SVEP1: variants seen among roughly 807,000 people sequenced by gnomAD.
SVEP1 encodes sushi, von Willebrand factor type A, EGF and pentraxin domain-containing protein 1.
SVEP1 carries 164 observed loss-of-function variants against 367.3 expected under a neutral mutation model. That is an observed-to-expected ratio of 0.45 (90% CI 0.39 to 0.51). The LOEUF is 0.51. Among genes scored for constraint, SVEP1 ranks in the 20% least tolerant of loss-of-function variants. SVEP1 has a pLI of 0.00. For missense variants in SVEP1, 4,117 were observed against 4,425.3 expected (o/e 0.93, Z 1.98); for synonymous variants, 1,666 against 1,611.6 (o/e 1.03, Z -0.81).
intron 40 of SVEP1, among the ~76,000 whole-genome samples, chr9:110,397,234 G>GCA (rs1234347780): frequency 6.6e-6 from 1 of 152,098 alleles, no homozygotes; most frequent in Non-Finnish European, 1.5e-5. Context: ...CAGAACCAAA[G>GCA]ACAAAAACCA....
At chr9:110,416,233 T>C (rs1207009578) in intron 36 of SVEP1, among the ~76,000 whole-genome samples, 2 of 151,692 alleles carry the variant, frequency 1.3e-5, no homozygotes, top group Non-Finnish European at 2.9e-5. Flanking sequence ...AAAAAAGCTC[T>C]AAAATATAAA....
At chr9:110,552,714 T>G in intron 1 of SVEP1, among the ~76,000 whole-genome samples, 1 of 152,138 alleles carries the variant, frequency 6.6e-6, no homozygotes, top group Admixed American at 6.6e-5. Context: ...CAGGTGGTAA[T>G]GCTCACTTGC....
At chr9:110,396,597 G>A (rs915535650) in intron 40 of SVEP1, among the ~76,000 whole-genome samples, 79 of 63,632 alleles carry the variant, frequency 1.2e-3, no homozygotes, top group Admixed American at 2.8e-3. Context: ...TTGATAGACC[G>A]CTAGCAAGAC....
chr9:110,365,991 A>ATTGAT lies in SVEP1; in HGVS notation c.*543_*547dup, dbSNP rs894756984. 3 of 152,228 alleles carry ATTGAT rather than the reference A, an allele frequency of 2.0e-5. No individual in the cohort carries two copies. The highest frequency in any genetic ancestry group is 7.2e-5 in the African/African-American group (3 of 41,462). 9.4% of individuals were successfully genotyped at this position (152,228 alleles called of 1,614,324 possible). On this transcript the variant is annotated 3_prime_UTR_variant, in exon 48 of 48. Coordinates refer to ENST00000374469, the MANE Select transcript of SVEP1 (RefSeq NM_153366.4). Reference sequence around the variant, plus strand: ...TACCAGGTCCAACAGTTACTCTCTGATTGATTAAATGAAAGAAAAAGCTTT... The same window carrying ATTGAT: ...TACCAGGTCCAACAGTTACTCTCTGATTGATTTGATTAAATGAAAGAAAAAGCTTT...
intron 40 of SVEP1, among the ~76,000 whole-genome samples, chr9:110,394,639 A>G (rs549453528): frequency 6.6e-6 from 1 of 152,350 alleles, no homozygotes; most frequent in African/African-American, 2.4e-5. Flanking sequence ...AGAATAACCA[A>G]TGCAGAGAAG....
At chr9:110,372,656 A>G (rs1827295573) in intron 46 of SVEP1, among the ~76,000 whole-genome samples, 1 of 152,224 alleles carries the variant, frequency 6.6e-6, no homozygotes, top group South Asian at 2.1e-4. Flanking sequence ...AAACTTAGGC[A>G]GGACTTGGGG....
chr9:110,379,236 A>T, intron 44 of SVEP1, 111 bp downstream of exon 44: 2 of 1,228,014 alleles, frequency 1.6e-6, no homozygotes, highest in African/African-American at 1.5e-5. Context: ...AAGAAATTTT[A>T]AAGCCAAGGA....
intron 35 of SVEP1, among the ~76,000 whole-genome samples, chr9:110,428,542 C>CA (rs1206367546): frequency 1.3e-5 from 2 of 152,170 alleles, no homozygotes; most frequent in African/African-American, 4.8e-5. Flanking sequence ...AAATCCATCA[C>CA]AAAAGCATTT....
At chr9:110,515,592 G>A (rs149335618) in intron 3 of SVEP1, among the ~76,000 whole-genome samples, 1,718 of 152,136 alleles carry the variant, frequency 0.011, 17 homozygotes, top group Middle Eastern at 0.024. Context: ...GAGCCACCGC[G>A]CCCGGCCTAT....
Position 110,411,635 on chromosome 9 carries a change from T to C in SVEP1, c.6076A>G (p.Ile2026Val), listed in dbSNP as rs750090652. Reference sequence around the variant, plus strand: ...GTCTCTGGAGAGGCGTGGTCCACAATGGGTGGCTCATCACAGGAGACAGCC... The same window carrying C: ...GTCTCTGGAGAGGCGTGGTCCACAACGGGTGGCTCATCACAGGAGACAGCC... ...CLAVSCDEPP[I>V]VDHASPETAH... The change falls in exon 37 of 48, where the codon ATT becomes GTT. Residue 2026 changes from isoleucine (I) to valine (V), a missense_variant. By Grantham distance (29) the Ile-to-Val change is conservative. Around this residue, in one of 4 missense-constraint regions of SVEP1, gnomAD observed 2,174 missense variants for 2,494.3 expected, o/e 0.87. Coordinates refer to ENST00000374469, the MANE Select transcript of SVEP1 (RefSeq NM_153366.4). The C allele has an allele frequency of 5.1e-5, 82 of 1,612,354 alleles. No homozygotes were observed. In the Admixed American group the frequency reaches 1.3e-3, roughly 26 times the overall value.
chr9:110,529,987 T>C (rs997231581), intron 3 of SVEP1, among the ~76,000 whole-genome samples: 2 of 146,988 alleles, frequency 1.4e-5, no homozygotes, highest in African/African-American at 5.0e-5. Context: ...ATGTTGGCTG[T>C]AGGTTTATCA....
chr9:110,522,680 T>C (rs1375648933), intron 3 of SVEP1, among the ~76,000 whole-genome samples: 21 of 152,182 alleles, frequency 1.4e-4, no homozygotes, highest in Admixed American at 1.4e-3. Context: ...ATTCTGAGTG[T>C]AGTTTGGTGT....
At chr9:110,379,324 T>G (rs1827399118) in intron 44 of SVEP1, 23 bp downstream of exon 44, 1 of 1,610,220 alleles carries the variant, frequency 6.2e-7, no homozygotes, top group African/African-American at 1.3e-5. Context: ...CACTAAGAAA[T>G]AACCATTCAA....
intron 2 of SVEP1, among the ~76,000 whole-genome samples, chr9:110,547,445 C>T (rs760683964): frequency 6.6e-6 from 1 of 152,154 alleles, no homozygotes; most frequent in Non-Finnish European, 1.5e-5. Context: ...CATGGTGGTA[C>T]ATGCCTGTTG....
At chr9:110,517,318 T>A (rs1829817597) in intron 3 of SVEP1, among the ~76,000 whole-genome samples, 1 of 151,780 alleles carries the variant, frequency 6.6e-6, no homozygotes, top group Non-Finnish European at 1.5e-5. Context: ...AAAATTAGGC[T>A]GGGCATGGGT....
intron 43 of SVEP1, 110 bp from the exon 44 acceptor site, chr9:110,379,627 C>T (rs986386980): frequency 9.4e-7 from 1 of 1,068,358 alleles, no homozygotes; most frequent in Non-Finnish European, 1.3e-6. Context: ...ATAAGGGAAA[C>T]ATTTTCACCT....
Position 110,495,610 on chromosome 9 carries a change from T to TC in SVEP1, c.1800+1204dup, listed in dbSNP as rs536593618. On this transcript the variant is annotated intron_variant, in intron 8 of 47. Coordinates refer to ENST00000374469, the MANE Select transcript of SVEP1 (RefSeq NM_153366.4). ...TATTTTTTCTATGTTGCGCTCTGCA[T>TC]CCCCCCCGCCGCCCCCAGTGTATCC... Among the ~76,000 whole-genome samples the TC allele has an allele frequency of 2.6e-3, 399 of 151,868 alleles. 6 individuals are homozygous for TC. The highest frequency in any genetic ancestry group is 9.2e-3 in the African/African-American group (381 of 41,390).
chr9:110,558,074 A>G (rs1016184981), intron 1 of SVEP1, among the ~76,000 whole-genome samples: 1 of 152,206 alleles, frequency 6.6e-6, no homozygotes, highest in East Asian at 1.9e-4. Flanking sequence ...GTGTAAACCA[A>G]GATAGATATA....
At chr9:110,369,466 CTATT>C (rs1451232783) in intron 47 of SVEP1, 1 of 152,404 alleles carries the variant, frequency 6.6e-6, no homozygotes, top group Non-Finnish European at 1.5e-5. Flanking sequence ...ACTTAAACAT[CTATT>C]GGGTCATTTT....
Sources: allele counts gnomAD v4.1 joint callset (sites outside exome capture counted in the v4.1 genomes callset), GRCh38; gene constraint gnomAD v4.1.1; regional missense constraint gnomAD v4.1.1; transcripts MANE v1.5; gene names NCBI Gene and HGNC (gene_info 2026-07-23, HGNC 2026-07-21).